PCDH11Y: variants seen among roughly 807,000 people sequenced by gnomAD.
The protein encoded by PCDH11Y is protocadherin-11 Y-linked.
For synonymous variants in PCDH11Y, 9 were observed against 83.6 expected (o/e 0.11, Z 4.87); for missense variants, 12 against 224.8 (o/e 0.05, Z 6.05).
chrY:5,541,709 T>C, intron 3 of PCDH11Y, among the ~76,000 whole-genome samples: 1 of 18,392 alleles, frequency 5.4e-5, no homozygotes, highest in Non-Finnish European at 1.2e-4. Context: ...CTTTCTTTCT[T>C]TCTTTCTTTC....
At chrY:5,478,921 G>A (rs2117843) in intron 2 of PCDH11Y, among the ~76,000 whole-genome samples, 142 of 30,920 alleles carry the variant, frequency 4.6e-3, no homozygotes, top group Admixed American at 0.015. Context: ...TGAGCCTCTG[G>A]GTATCTTTGC....
At chrY:5,211,357 C>T in intron 2 of PCDH11Y, among the ~76,000 whole-genome samples, 1 of 30,275 alleles carries the variant, frequency 3.3e-5, no homozygotes, top group Non-Finnish European at 7.9e-5. Flanking sequence ...TCTCAAGGAC[C>T]TTAACCTTAA....
intron 2 of PCDH11Y, among the ~76,000 whole-genome samples, chrY:5,481,865 T>C: frequency 9.2e-5 from 3 of 32,508 alleles, no homozygotes; most frequent in African/African-American, 3.6e-4. Flanking sequence ...ATATATTATC[T>C]ATCCTGCAGA....
chrY:5,623,805 T>G, intron 4 of PCDH11Y, among the ~76,000 whole-genome samples: 1 of 33,114 alleles, frequency 3.0e-5, no homozygotes, highest in Non-Finnish European at 7.5e-5. Context: ...CATATGTTTT[T>G]CTGGTAGGAG....
chrY:5,657,554 C>T, intron 4 of PCDH11Y, among the ~76,000 whole-genome samples: 2 of 33,407 alleles, frequency 6.0e-5, no homozygotes, highest in Admixed American at 2.7e-4. Flanking sequence ...CATGTTATGT[C>T]CTTTCATTGG....
At chrY:5,062,229 G>GAGAATAT (rs2052676908) in intron 1 of PCDH11Y, among the ~76,000 whole-genome samples, 1 of 29,782 alleles carries the variant, frequency 3.4e-5, no homozygotes, top group Non-Finnish European at 8.1e-5. Context: ...TCAGTGCAGA[G>GAGAATAT]AGAATATACT....
At chrY:5,108,603 C>T (rs34917638), downstream of PCDH11Y, among the ~76,000 whole-genome samples, 49 of 30,429 alleles carry the variant, frequency 1.6e-3, no homozygotes, top group Non-Finnish European at 3.3e-3. Flanking sequence ...AAAAATTAGC[C>T]GGGCGTGGTG....
At chrY:5,388,699 T>C in intron 2 of PCDH11Y, among the ~76,000 whole-genome samples, 1 of 33,560 alleles carries the variant, frequency 3.0e-5, no homozygotes, top group South Asian at 6.7e-4. Context: ...CTATCCACCA[T>C]CTTCTCTCTC....
At chrY:5,471,888 C>T in intron 2 of PCDH11Y, among the ~76,000 whole-genome samples, 1 of 32,641 alleles carries the variant, frequency 3.1e-5, no homozygotes, top group South Asian at 6.5e-4. Flanking sequence ...ATTTCTACAG[C>T]GTTTGAAACA....
At chrY:5,431,376 G>A in intron 2 of PCDH11Y, among the ~76,000 whole-genome samples, 2 of 22,453 alleles carry the variant, frequency 8.9e-5, no homozygotes, top group Non-Finnish European at 9.6e-5. Flanking sequence ...AAAATAGTTT[G>A]ATTTGTCTTT....
chrY:5,379,742 C>T, intron 2 of PCDH11Y, among the ~76,000 whole-genome samples: 1 of 24,893 alleles, frequency 4.0e-5, no homozygotes, highest in Non-Finnish European at 9.3e-5. Context: ...GGTCACCGAG[C>T]GGCCCGATTC....
intron 1 of PCDH11Y, among the ~76,000 whole-genome samples, chrY:5,002,070 G>T: frequency 2.9e-5 from 1 of 34,221 alleles, no homozygotes; most frequent in Non-Finnish European, 7.3e-5. Flanking sequence ...AAAAGAAAAA[G>T]AATTAAAGCT....
At chrY:5,371,051 C>A in intron 2 of PCDH11Y, among the ~76,000 whole-genome samples, 1 of 32,753 alleles carries the variant, frequency 3.1e-5, no homozygotes, top group Non-Finnish European at 7.5e-5. Context: ...TGTTAGCATA[C>A]TCCTCTTTTC....
At chrY:5,296,508 T>C in intron 2 of PCDH11Y, among the ~76,000 whole-genome samples, 1 of 32,969 alleles carries the variant, frequency 3.0e-5, no homozygotes, top group Non-Finnish European at 7.5e-5. Context: ...CAAGTTCCTA[T>C]AAGCCCAGTG....
At chrY:5,045,985 G>A in intron 3 of PCDH11Y, among the ~76,000 whole-genome samples, 3 of 32,836 alleles carry the variant, frequency 9.1e-5, no homozygotes, top group Non-Finnish European at 1.5e-4. Flanking sequence ...GCACTTCTCT[G>A]TATTGGTTAT....
chrY:5,169,309 G>A, intron 2 of PCDH11Y, among the ~76,000 whole-genome samples: 1 of 32,179 alleles, frequency 3.1e-5, no homozygotes, highest in Admixed American at 2.9e-4. Context: ...GATAATCGTA[G>A]GATGAAACCG....
chrY:5,078,602 C>T (rs2052713333), intron 1 of PCDH11Y, among the ~76,000 whole-genome samples: 1 of 33,029 alleles, frequency 3.0e-5, no homozygotes, highest in Admixed American at 2.7e-4. Flanking sequence ...CAAGAGAGAG[C>T]GTGTTCAGGG....
chrY:5,652,299 C>G, intron 4 of PCDH11Y, among the ~76,000 whole-genome samples: 3 of 32,966 alleles, frequency 9.1e-5, no homozygotes, highest in African/African-American at 3.6e-4. Context: ...ATATTACCCC[C>G]ACACAATAAC....
chrY:5,020,669 G>A, intron 1 of PCDH11Y, among the ~76,000 whole-genome samples: 1 of 33,279 alleles, frequency 3.0e-5, no homozygotes, highest in Non-Finnish European at 7.4e-5. Flanking sequence ...AAGGTGTGAG[G>A]CTCTAGATGT....
Sources: gnomAD v4.1 joint callset for allele counts (sites outside exome capture counted in the v4.1 genomes callset) on GRCh38, gnomAD v4.1.1 for gene constraint, MANE v1.5 for transcripts, NCBI Gene and HGNC (gene_info 2026-07-23, HGNC 2026-07-21) for gene names.